Variants in HERC2 observed in about 807,000 individuals in gnomAD.
HERC2 encodes the protein HECT and RLD domain containing E3 ubiquitin protein ligase 2.
HERC2 carries 102 observed loss-of-function variants against 537.7 expected under a neutral mutation model. That is an observed-to-expected ratio of 0.19 (90% CI 0.16 to 0.22). The LOEUF (loss-of-function observed/expected upper bound fraction) is 0.22, where lower values mean the gene tolerates loss of function less well. Among genes scored for constraint, HERC2 ranks in the 10% least tolerant of loss-of-function variants. The pLI is 1.00. For missense variants in HERC2, 4,236 were observed against 6,198.2 expected (o/e 0.68, Z 10.63); for synonymous variants, 2,224 against 2,466.2 (o/e 0.90, Z 2.91).
chr15:28,250,960 G>C (rs2075056483), intron 20 of HERC2, among the ~76,000 whole-genome samples: 1 of 152,126 alleles, frequency 6.6e-6, no homozygotes, highest in Non-Finnish European at 1.5e-5. Context: ...TATTTTTTAA[G>C]TACGTACATC....
chr15:28,124,720 T>C (rs1214645039), intron 84 of HERC2, among the ~76,000 whole-genome samples: 2 of 152,162 alleles, frequency 1.3e-5, no homozygotes, highest in Admixed American at 1.3e-4. Flanking sequence ...CCACTATGCC[T>C]GACTAATTTT....
At chr15:28,281,626 C>T (rs1414710204) in intron 4 of HERC2, among the ~76,000 whole-genome samples, 1 of 152,232 alleles carries the variant, frequency 6.6e-6, no homozygotes, top group Non-Finnish European at 1.5e-5. Context: ...CAGGGTGGCG[C>T]ACACTGTGCC....
chr15:28,309,351 G>A (rs1045406032), intron 2 of HERC2, among the ~76,000 whole-genome samples: 3 of 152,100 alleles, frequency 2.0e-5, no homozygotes, highest in Non-Finnish European at 4.4e-5. Flanking sequence ...AGTGTTGAGT[G>A]CATATATACA....
intron 41 of HERC2, 32 bp downstream of exon 41, chr15:28,214,044 G>T (rs571894944): frequency 3.7e-6 from 6 of 1,611,482 alleles, no homozygotes; most frequent in Non-Finnish European, 4.2e-6. Flanking sequence ...GTTCACCGTT[G>T]AACTAAATTA....
At chr15:28,317,421 C>T (rs1483639099) in intron 2 of HERC2, among the ~76,000 whole-genome samples, 2 of 152,196 alleles carry the variant, frequency 1.3e-5, no homozygotes, top group Non-Finnish European at 2.9e-5. Context: ...ATAAGCTTAA[C>T]TCTAAGAGCT....
intron 26 of HERC2, among the ~76,000 whole-genome samples, chr15:28,235,834 A>AG: frequency 6.6e-6 from 1 of 152,216 alleles, no homozygotes; most frequent in Non-Finnish European, 1.5e-5. Flanking sequence ...TGCACCAGGC[A>AG]ACTGTTCAAC....
chr15:28,248,496 C>T, intron 21 of HERC2, 56 bp downstream of exon 21: 2 of 1,395,356 alleles, frequency 1.4e-6, no homozygotes, highest in Non-Finnish European at 2.0e-6. Context: ...GTCGAAAAGC[C>T]TAAAGTAACG....
chr15:28,151,480 A>G (rs1022032800), intron 70 of HERC2, among the ~76,000 whole-genome samples: 5 of 152,180 alleles, frequency 3.3e-5, no homozygotes, highest in African/African-American at 7.2e-5. Flanking sequence ...AAACAAATAA[A>G]TACATAAATA....
chr15:28,214,079 T>C lies in HERC2; in HGVS notation c.6552A>G (p.Glu2184=), dbSNP rs1196974459. ...ITHSFVGRPS[E]GAQLEDYFPD... ...AATTCTGAGAACACAAACCCACCCC[T>C]TCGGAAGGCCTTCCCACAAAGCTGT... Residue 2184 remains glutamate (E), a synonymous_variant, in exon 41 of 93, where the codon GAA becomes GAG. Coordinates refer to ENST00000261609, the MANE Select transcript of HERC2 (RefSeq NM_004667.6). 5.0e-6 allele frequency: 8 copies of C among 1,613,910 alleles called. No homozygotes were observed. Among genetic ancestry groups the C allele is most frequent in the Non-Finnish European group, 6.8e-6 (8 of 1,179,946 alleles).
chr15:28,275,464 G>A (rs529878092), intron 5 of HERC2, among the ~76,000 whole-genome samples: 2 of 152,354 alleles, frequency 1.3e-5, no homozygotes, highest in South Asian at 4.1e-4. Context: ...GTGAAGCCCT[G>A]CGTGCTTGAC....
At chr15:28,315,940 C>A in intron 2 of HERC2, 1 of 402,198 alleles carries the variant, frequency 2.5e-6, no homozygotes, top group Non-Finnish European at 5.0e-6. Context: ...ACCCACCTTG[C>A]TCATAAACAA....
At position 28,167,716 on chromosome 15, in the gene HERC2, T is replaced by C; in HGVS notation, c.10525A>G (p.Ile3509Val). The C allele has an allele frequency of 1.2e-6, 2 of 1,614,198 alleles. No individual in the cohort carries two copies. The highest frequency in any genetic ancestry group is 1.7e-6 in the Non-Finnish European group (2 of 1,180,042). The change falls in exon 68 of 93, where the codon ATT becomes GTT. Residue 3509 changes from isoleucine (I) to valine (V), a missense_variant. Physicochemically the swap from Ile to Val is conservative, Grantham distance 29 (BLOSUM62 3). Coordinates refer to ENST00000261609, the MANE Select transcript of HERC2 (RefSeq NM_004667.6). Reference sequence around the variant, plus strand: ...TTGGTTTTGGTCATGGTTTCTGCAATGATGCTTGCGGCTCCCAGGTCATCC... The same window carrying C: ...TTGGTTTTGGTCATGGTTTCTGCAACGATGCTTGCGGCTCCCAGGTCATCC... ...VTDDLGAASI[I>V]AETMTKTKED... is the part of the protein sequence containing the mutation.
In HERC2 at chr15:28,198,766, C is replaced by T. The variant is rs1897603674; in HGVS notation, c.7720G>A (p.Gly2574Arg). 6.2e-7 allele frequency: 1 copy of T among 1,609,028 alleles called. No individual in the cohort carries two copies. Among genetic ancestry groups the T allele is most frequent in the South Asian group, 1.1e-5 (1 of 90,216 alleles). Residue 2574 changes from glycine to arginine, a missense_variant, in exon 49 of 93, where the codon GGA (glycine) becomes AGA (arginine). By Grantham distance (125) the Gly-to-Arg change is moderately radical (BLOSUM62 -2). Transcript: ENST00000261609. ...GCTCGGCAGCATCTAACCATCATTC[C>T]CACCTAGAATTAAAATGAAATTGGA... is the stretch of plus-strand genomic sequence containing the variant. ...AVYVRENIQVGMMVRCCRAYE... is the reference protein window; with the variant it reads ...AVYVRENIQVRMMVRCCRAYE...
chr15:28,176,975 T>C lies in HERC2; in HGVS notation c.9407A>G (p.Asn3136Ser). The C allele has an allele frequency of 6.2e-7, 1 of 1,613,876 alleles. No individual in the cohort carries two copies. Among genetic ancestry groups the C allele is most frequent in the Non-Finnish European group, 8.5e-7 (1 of 1,179,806 alleles). ...CATTTTGGGCTTTAGCTGTGTCGTA[T>C]TATCCCCATGTCCCAGCCGGCCGTA... ...GEYGRLGHGD[N>S]TTQLKPKMVK... Residue 3136 changes from asparagine (N) to serine (S), a missense_variant, in exon 61 of 93, where the codon AAT becomes AGT. Around this residue, in one of 27 missense-constraint regions of HERC2, gnomAD observed 606 missense variants for 884.5 expected, o/e 0.69. Transcript: ENST00000261609. The surrounding 1 kb of genome is among the most constrained non-coding windows in gnomAD (Gnocchi z 5.0).
intron 16 of HERC2, among the ~76,000 whole-genome samples, chr15:28,259,109 T>C (rs2075347443): frequency 6.6e-6 from 1 of 152,210 alleles, no homozygotes; most frequent in Non-Finnish European, 1.5e-5. Flanking sequence ...TTTTTGTTTT[T>C]TTGAGACGGA....
At chr15:28,286,610 T>A (rs1327311883) in intron 4 of HERC2, among the ~76,000 whole-genome samples, 2 of 152,202 alleles carry the variant, frequency 1.3e-5, no homozygotes, top group African/African-American at 2.4e-5. Flanking sequence ...GGGAACTTCA[T>A]CATCTTGATA....
At chr15:28,154,623 T>C (rs1468006500) in intron 69 of HERC2, among the ~76,000 whole-genome samples, 1 of 152,144 alleles carries the variant, frequency 6.6e-6, no homozygotes, top group African/African-American at 2.4e-5. Flanking sequence ...AACCCATCTC[T>C]TCCACCTACC....
chr15:28,147,457 TTATTATA>T (rs989255574), intron 70 of HERC2, among the ~76,000 whole-genome samples: 5 of 150,300 alleles, frequency 3.3e-5, no homozygotes, highest in Non-Finnish European at 5.9e-5. Context: ...GCTATATATT[TTATTATA>T]TATTATATAT....
intron 79 of HERC2, among the ~76,000 whole-genome samples, chr15:28,133,800 T>G (rs1423130281): frequency 6.6e-6 from 1 of 152,230 alleles, no homozygotes; most frequent in Non-Finnish European, 1.5e-5. Flanking sequence ...TGTCAGCATT[T>G]GCCAGCCGGT....
Sources: allele counts gnomAD v4.1 joint callset (sites outside exome capture counted in the v4.1 genomes callset), GRCh38; gene constraint gnomAD v4.1.1; regional missense constraint gnomAD v4.1.1; non-coding constraint Gnocchi (gnomAD v3.1); transcripts MANE v1.5; gene names NCBI Gene and HGNC (gene_info 2026-07-23, HGNC 2026-07-21).